CUL5: variants seen among roughly 807,000 people sequenced by gnomAD.
The protein encoded by CUL5 is cullin-5.
A neutral mutation model predicts 108.8 loss-of-function variants in CUL5; 26 were observed. That is an observed-to-expected ratio of 0.24 (90% confidence interval 0.18 to 0.33). The LOEUF is 0.33. Ranked by LOEUF, CUL5 falls within the 10% of genes least tolerant of loss-of-function variation. The pLI, the probability that CUL5 is intolerant of heterozygous loss-of-function variation, is 1.00. For missense variants in CUL5, 524 were observed against 909.2 expected (o/e 0.58, Z 5.45); for synonymous variants, 334 against 298.0 (o/e 1.12, Z -1.25).
At chr11:108,079,645 G>A (rs549525706) in intron 11 of CUL5, among the ~76,000 whole-genome samples, 2 of 152,192 alleles carry the variant, frequency 1.3e-5, no homozygotes, top group African/African-American at 4.8e-5. Context: ...AATCTTAAGT[G>A]TACATTTGAG....
chr11:108,093,953 T>G (rs1487443536), intron 13 of CUL5, among the ~76,000 whole-genome samples: 3 of 152,242 alleles, frequency 2.0e-5, no homozygotes, highest in Non-Finnish European at 4.4e-5. Flanking sequence ...TCCTCCTGCT[T>G]CAGCCTCCCA....
chr11:108,061,790 AAG>A (rs1401949031), intron 7 of CUL5, among the ~76,000 whole-genome samples: 2 of 152,200 alleles, frequency 1.3e-5, no homozygotes, highest in African/African-American at 4.8e-5. Context: ...TTGTAAAGGA[AAG>A]AGGTTTAGTT....
At chr11:108,047,936 C>CA (rs986183464) in intron 3 of CUL5, among the ~76,000 whole-genome samples, 5 of 151,100 alleles carry the variant, frequency 3.3e-5, no homozygotes, top group African/African-American at 4.9e-5. Flanking sequence ...TGAACACTGG[C>CA]AAAAAAAAGT....
intron 1 of CUL5, among the ~76,000 whole-genome samples, chr11:108,031,197 G>C (rs546645024): frequency 6.6e-6 from 1 of 151,852 alleles, no homozygotes; most frequent in African/African-American, 2.4e-5. Flanking sequence ...GCGAAACCCC[G>C]TCTCTACTGA....
intron 1 of CUL5, among the ~76,000 whole-genome samples, chr11:108,019,538 G>A (rs1862279395): frequency 6.6e-6 from 1 of 152,050 alleles, no homozygotes; most frequent in Non-Finnish European, 1.5e-5. Flanking sequence ...GATTATAATG[G>A]GAGCTAAAAA....
At chr11:108,094,724 T>G (rs114744657) in intron 14 of CUL5, 88 bp from the exon 15 acceptor site, 1 of 1,094,632 alleles carries the variant, frequency 9.1e-7, no homozygotes, top group Non-Finnish European at 1.3e-6. Flanking sequence ...TATAGTCTTA[T>G]TGATTTTTCA....
rs541446384 is a variant in CUL5, at chr11:108,104,135, G to T, written c.2149-55G>T. The T allele has an allele frequency of 5.9e-6, 7 of 1,180,532 alleles. No homozygotes were observed. In the African/African-American group the frequency reaches 9.5e-5, roughly 16 times the overall value. 73.1% of individuals were successfully genotyped at this position (1,180,532 alleles called of 1,614,324 possible). On this transcript the variant is annotated intron_variant, in intron 18 of 18. Coordinates refer to ENST00000393094, the MANE Select transcript of CUL5 (RefSeq NM_003478.6). Reference sequence around the variant, plus strand: ...ATAAAAAGTCATTTTTCAGTTTGTTGTACTTAAAATAATTTCGTATATTAA... The same window carrying T: ...ATAAAAAGTCATTTTTCAGTTTGTTTTACTTAAAATAATTTCGTATATTAA...
At chr11:108,100,551 GCAAA>G (rs1864632845) in intron 18 of CUL5, among the ~76,000 whole-genome samples, 1 of 151,498 alleles carries the variant, frequency 6.6e-6, no homozygotes, top group East Asian at 1.9e-4. Context: ...CTCAAAAAAA[GCAAA>G]CAAAAACAAA....
At chr11:108,017,629 C>A (rs956727026) in intron 1 of CUL5, among the ~76,000 whole-genome samples, 1 of 151,316 alleles carries the variant, frequency 6.6e-6, no homozygotes, top group Non-Finnish European at 1.5e-5. Context: ...GTGGGAAGAT[C>A]GCTTGAGCCC....
At chr11:108,076,158 G>A (rs950573930) in intron 10 of CUL5, among the ~76,000 whole-genome samples, 3 of 151,884 alleles carry the variant, frequency 2.0e-5, no homozygotes, top group African/African-American at 4.8e-5. Context: ...TCAGCCTCCC[G>A]AGTAGCTGGG....
rs1479994265 is a variant in CUL5 at position 108,050,073 on chromosome 11, C to G, written c.411+7C>G. ...AGACAGTATTGTTCGAAAGGTAAGA[C>G]TATTTTTCTCCTTGTTTTCCTAATA... On this transcript the variant is annotated splice_region_variant and intron_variant, in intron 4 of 18. Transcript: ENST00000393094. The G allele has an allele frequency of 5.1e-6, 8 of 1,568,692 alleles. No individual in the cohort carries two copies. In the South Asian group the frequency reaches 7.1e-5, roughly 14 times the overall value.
At chr11:108,018,022 G>A (rs1862245200) in intron 1 of CUL5, among the ~76,000 whole-genome samples, 1 of 152,114 alleles carries the variant, frequency 6.6e-6, no homozygotes, top group Non-Finnish European at 1.5e-5. Flanking sequence ...TTAAAAGTCT[G>A]GTTATTCCAA....
chr11:108,102,276 C>T (rs1321201136), intron 18 of CUL5, among the ~76,000 whole-genome samples: 1 of 151,964 alleles, frequency 6.6e-6, no homozygotes, highest in Non-Finnish European at 1.5e-5. Flanking sequence ...AATCCGCTCC[C>T]CTTGGCCTCC....
At position 108,072,501 on chromosome 11, in the gene CUL5, A is replaced by G. The variant is rs181597598; in HGVS notation, c.1005+39A>G. ...CAATGGCAATGATAGATATATATCAAGGCTATTTTTTAAATGTAGGATTAT... is the reference window on the plus strand; with the variant it reads ...CAATGGCAATGATAGATATATATCAGGGCTATTTTTTAAATGTAGGATTAT... On this transcript the variant is annotated intron_variant, in intron 9 of 18. Coordinates refer to ENST00000393094, the MANE Select transcript of CUL5 (RefSeq NM_003478.6). The G allele has an allele frequency of 1.6e-4, 250 of 1,538,462 alleles. 3 individuals carry two copies. The African/African-American group carries it at 3.2e-3, about 20-fold the overall frequency.
chr11:108,030,529 C>T (rs562141250), intron 1 of CUL5, among the ~76,000 whole-genome samples: 4 of 152,094 alleles, frequency 2.6e-5, no homozygotes, highest in African/African-American at 4.8e-5. Context: ...CCCAGTTACT[C>T]GGGAAGCTGA....
At chr11:108,044,918 C>T (rs982766307) in intron 2 of CUL5, among the ~76,000 whole-genome samples, 5 of 151,984 alleles carry the variant, frequency 3.3e-5, no homozygotes, top group Admixed American at 6.6e-5. Context: ...CACACCACCA[C>T]GCCTGGCTAA....
intron 5 of CUL5, among the ~76,000 whole-genome samples, chr11:108,054,096 T>A (rs926118905): frequency 7.2e-5 from 11 of 152,204 alleles, no homozygotes; most frequent in Non-Finnish European, 1.5e-4. Flanking sequence ...TCTGCCCACC[T>A]TGGCCTCCCG....
intron 13 of CUL5, among the ~76,000 whole-genome samples, chr11:108,092,669 G>T (rs533322240): frequency 2.0e-5 from 3 of 152,182 alleles, no homozygotes; most frequent in African/African-American, 7.2e-5. Flanking sequence ...AGGAGTTGGG[G>T]CCAGGAGGGG....
At chr11:108,043,621 C>T (rs1348971020) in intron 2 of CUL5, among the ~76,000 whole-genome samples, 1 of 152,162 alleles carries the variant, frequency 6.6e-6, no homozygotes, top group African/African-American at 2.4e-5. Flanking sequence ...TTCCTGGCTC[C>T]ACCATAAACT....
Sources: allele counts gnomAD v4.1 joint callset (sites outside exome capture counted in the v4.1 genomes callset), GRCh38; gene constraint gnomAD v4.1.1; transcripts MANE v1.5; gene names NCBI Gene and HGNC (gene_info 2026-07-23, HGNC 2026-07-21).